KHDC1: variants seen among roughly 807,000 people sequenced by gnomAD.
The protein encoded by KHDC1 is KH homology domain-containing protein 1.
In KHDC1, 21 loss-of-function variants were observed where a neutral mutation model predicts 24.7. The observed-to-expected ratio is 0.85, with a 90% CI of 0.60 to 1.23. The LOEUF (loss-of-function observed/expected upper bound fraction) is 1.23. Among genes scored for constraint, KHDC1 ranks in the 50% most tolerant of loss-of-function variants. The pLI is 0.00. For missense variants in KHDC1, 274 were observed against 298.5 expected (o/e 0.92, Z 0.61); for synonymous variants, 98 against 111.7 (o/e 0.88, Z 0.77).
chr6:73,282,216 T>TAAA (rs34726760), intron 2 of KHDC1, among the ~76,000 whole-genome samples: 2 of 96,766 alleles, frequency 2.1e-5, no homozygotes, highest in Non-Finnish European at 2.3e-5. Context: ...AGACTCTGTC[T>TAAA]AAAAAAAAAA....
intron 2 of KHDC1, among the ~76,000 whole-genome samples, chr6:73,280,567 C>CT (rs1475635925): frequency 1.4e-5 from 2 of 140,496 alleles, no homozygotes; most frequent in African/African-American, 5.4e-5. Context: ...GTTGCCCAGG[C>CT]TGGAGTACAA....
chr6:73,280,656 G>A (rs1036245051), intron 2 of KHDC1, among the ~76,000 whole-genome samples: 2 of 150,614 alleles, frequency 1.3e-5, no homozygotes, highest in Non-Finnish European at 3.0e-5. Context: ...GAGTAGCTGG[G>A]ATTACAGGCA....
At chr6:73,291,187 T>C (rs1318787580) in intron 2 of KHDC1, 1 of 480,646 alleles carries the variant, frequency 2.1e-6, no homozygotes, top group Non-Finnish European at 4.2e-6. Context: ...ATTGGAGCAC[T>C]TAGCCTACCA....
chr6:73,241,602 A>C (rs1246286601), exon 5 of KHDC1: 1 of 1,614,208 alleles, frequency 6.2e-7, no homozygotes, highest in Non-Finnish European at 8.5e-7. Context: ...AGGAACGCTA[A>C]GACACACGGT....
intron 2 of KHDC1, among the ~76,000 whole-genome samples, chr6:73,253,752 A>T (rs1417652472): frequency 6.6e-6 from 1 of 151,748 alleles, no homozygotes. Context: ...AAAAACAATT[A>T]AAAAATTGGC....
chr6:73,254,508 AAAT>A (rs1371322226), intron 2 of KHDC1, among the ~76,000 whole-genome samples: 5 of 146,956 alleles, frequency 3.4e-5, no homozygotes, highest in East Asian at 4.0e-4. Context: ...ATAAATAAAT[AAAT>A]AAAAGACTAC....
At chr6:73,287,085 T>A (rs1470068562) in intron 2 of KHDC1, among the ~76,000 whole-genome samples, 1 of 152,128 alleles carries the variant, frequency 6.6e-6, no homozygotes, top group Non-Finnish European at 1.5e-5. Flanking sequence ...TGCTATAGAC[T>A]ATATACGGCA....
exon 1 of KHDC1, chr6:73,309,885 A>C: frequency 2.9e-6 from 2 of 686,770 alleles, no homozygotes; most frequent in African/African-American, 1.8e-5. Flanking sequence ...GACTGGACCA[A>C]TGCACAGTCT....
At chr6:73,246,334 T>C (rs181261026) in intron 2 of KHDC1, among the ~76,000 whole-genome samples, 1 of 152,324 alleles carries the variant, frequency 6.6e-6, no homozygotes, top group East Asian at 1.9e-4. Flanking sequence ...TTTAGAATTG[T>C]GATAGCATAG....
chr6:73,271,450 A>G (rs1767178959), intron 2 of KHDC1, among the ~76,000 whole-genome samples: 1 of 151,278 alleles, frequency 6.6e-6, no homozygotes, highest in Non-Finnish European at 1.5e-5. Flanking sequence ...CTCGTGATCC[A>G]CCTGCCTTGG....
chr6:73,267,491 G>GA (rs913508670), intron 2 of KHDC1, among the ~76,000 whole-genome samples: 15 of 151,646 alleles, frequency 9.9e-5, no homozygotes, highest in African/African-American at 3.6e-4. Flanking sequence ...TCAAAAAAAA[G>GA]AAAAAAGAAA....
At chr6:73,308,947 T>C (rs1411317946) in intron 1 of KHDC1, among the ~76,000 whole-genome samples, 3 of 152,238 alleles carry the variant, frequency 2.0e-5, no homozygotes, top group Non-Finnish European at 4.4e-5. Context: ...TTCTCCTGCC[T>C]CCGCCTCCCT....
intron 2 of KHDC1, among the ~76,000 whole-genome samples, chr6:73,286,882 C>CAAAA (rs34820901): frequency 1.4e-5 from 2 of 141,682 alleles, no homozygotes; most frequent in Admixed American, 7.1e-5. Flanking sequence ...GACTCTGTCT[C>CAAAA]AAAAAAAAAA....
chr6:73,244,838 TG>T (rs1283455860), intron 2 of KHDC1, among the ~76,000 whole-genome samples: 1 of 151,836 alleles, frequency 6.6e-6, no homozygotes, highest in African/African-American at 2.4e-5. Flanking sequence ...GAGGCTGAGG[TG>T]GGAAAATTGC....
At chr6:73,265,997 C>G (rs1406857229) in intron 2 of KHDC1, among the ~76,000 whole-genome samples, 5 of 152,100 alleles carry the variant, frequency 3.3e-5, no homozygotes, top group Non-Finnish European at 4.4e-5. Context: ...CATTCTAACA[C>G]TCACCCAACC....
At chr6:73,278,435 G>A (rs1266565024) in intron 2 of KHDC1, among the ~76,000 whole-genome samples, 1 of 152,028 alleles carries the variant, frequency 6.6e-6, no homozygotes, top group Non-Finnish European at 1.5e-5. Context: ...CATTGCCCAG[G>A]CTGGTCTTGA....
rs919286443 is a variant in KHDC1, at chr6:73,264,248, G to C, written c.207-21718C>G. Reference sequence around the variant, plus strand: ...TATGGGACCTTGCAATCTTATCTAGGTTGCGTCTTTTTCATTGAAATCACG... The same window carrying C: ...TATGGGACCTTGCAATCTTATCTAGCTTGCGTCTTTTTCATTGAAATCACG... On this transcript the variant is annotated intron_variant, in intron 2 of 4. Transcript: ENST00000370384. Among the ~76,000 whole-genome samples the C allele has an allele frequency of 4.0e-4, 61 of 152,132 alleles. 1 individual carries two copies. The highest frequency in any genetic ancestry group is 3.8e-3 in the Admixed American group (58 of 15,264).
intron 1 of KHDC1, among the ~76,000 whole-genome samples, chr6:73,297,674 C>T (rs1283894754): frequency 3.3e-5 from 5 of 152,022 alleles, no homozygotes; most frequent in Admixed American, 3.3e-4. Context: ...GATTTTTGAA[C>T]AAAATCAATG....
Position 73,282,078 on chromosome 6 carries a change from C to T in KHDC1, c.206+9920G>A, listed in dbSNP as rs777870423. Among the ~76,000 whole-genome samples, 99 of 151,508 alleles carry T rather than the reference C, an allele frequency of 6.5e-4. 1 individual carries two copies. The highest frequency in any genetic ancestry group is 4.0e-3 in the Admixed American group (60 of 15,176). On this transcript the variant is annotated intron_variant, in intron 2 of 4. Coordinates refer to ENST00000370384, the Ensembl canonical transcript of KHDC1. ...ACTAAAAATACAAAAATTAGCCGGG[C>T]GTGGTGGCATGCGCCTGTAGTCCCA...
Sources: gnomAD v4.1 joint callset for allele counts (sites outside exome capture counted in the v4.1 genomes callset) on GRCh38, gnomAD v4.1.1 for gene constraint, MANE v1.5 for transcripts, NCBI Gene and HGNC (gene_info 2026-07-23, HGNC 2026-07-21) for gene names.